The following SMAD7 variants were observed in gnomAD, a reference collection of about 807,000 sequenced individuals.
SMAD7 encodes the protein MAD (mothers against decapentaplegic, Drosophila) homolog 7.
Under a neutral mutation model 38.7 loss-of-function variants are expected in SMAD7, and 8 were observed. That is an observed-to-expected ratio of 0.21 (90% confidence interval 0.12 to 0.37). The LOEUF (loss-of-function observed/expected upper bound fraction) is 0.37. Among genes scored for constraint, SMAD7 ranks in the 10% least tolerant of loss-of-function variants. The pLI is 1.00. For synonymous variants in SMAD7, 327 were observed against 265.1 expected (o/e 1.23, Z -2.27); for missense variants, 477 against 577.9 (o/e 0.83, Z 1.79).
intron 1 of SMAD7, 54 bp from the exon 2 acceptor site, chr18:48,948,491 G>C: frequency 7.8e-5 from 93 of 1,188,320 alleles, no homozygotes; most frequent in Non-Finnish European, 1.0e-4. Context: ...AAGAGAGATA[G>C]AAACTTATGA....
chr18:48,950,002 G>C lies in SMAD7; in HGVS notation c.423C>G (p.Pro141=). 2.5e-6 allele frequency: 4 copies of C among 1,580,332 alleles called. No homozygotes were observed. The highest frequency in any genetic ancestry group is 3.4e-6 in the Non-Finnish European group (4 of 1,164,882). ...GCGGCTGCGCAGGCTGCGCGCCGGCGGGCGCCCCCGGGCCCAGCCTGCAGT... is the reference window on the plus strand; with the variant it reads ...GCGGCTGCGCAGGCTGCGCGCCGGCCGGCGCCCCCGGGCCCAGCCTGCAGT... The part of the protein sequence containing the change: ...RLDCRLGPGA[P]AGAQPAQPPS... Residue 141 remains proline (P), a synonymous_variant, in exon 1 of 4, where the codon CCC becomes CCG. Coordinates refer to ENST00000262158, the MANE Select transcript of SMAD7 (RefSeq NM_005904.4).
chr18:48,940,187 C>T (rs557356514), intron 3 of SMAD7, among the ~76,000 whole-genome samples: 27 of 152,216 alleles, frequency 1.8e-4, no homozygotes, highest in South Asian at 1.5e-3. Context: ...CAACTCTGAA[C>T]GGAAAGAAGA....
chr18:48,941,134 T>C (rs1304528743), intron 3 of SMAD7, among the ~76,000 whole-genome samples: 1 of 152,174 alleles, frequency 6.6e-6, no homozygotes, highest in African/African-American at 2.4e-5. Flanking sequence ...CTTCTTTCTT[T>C]CAAGAACTCT....
At chr18:48,922,638 C>A (rs2069875678) in intron 3 of SMAD7, among the ~76,000 whole-genome samples, 1 of 152,240 alleles carries the variant, frequency 6.6e-6, no homozygotes, top group South Asian at 2.1e-4. Flanking sequence ...TGCCAAATCA[C>A]AACATGCAGA....
intron 2 of SMAD7, among the ~76,000 whole-genome samples, chr18:48,943,471 C>G (rs1193728809): frequency 6.6e-6 from 1 of 152,194 alleles, no homozygotes; most frequent in Non-Finnish European, 1.5e-5. Context: ...GCCCTCCAAG[C>G]AATTAAAGCA....
intron 3 of SMAD7, among the ~76,000 whole-genome samples, chr18:48,938,862 G>A (rs962912370): frequency 3.9e-5 from 6 of 152,152 alleles, no homozygotes; most frequent in Non-Finnish European, 8.8e-5. Flanking sequence ...ATCTTCCTGA[G>A]CCATGACACA....
chr18:48,936,117 C>CCA (rs1413249314), intron 3 of SMAD7, among the ~76,000 whole-genome samples: 2 of 14,250 alleles, frequency 1.4e-4, no homozygotes, highest in Non-Finnish European at 2.5e-4. Flanking sequence ...CACACACACA[C>CCA]CACACACACA....
intron 2 of SMAD7, among the ~76,000 whole-genome samples, chr18:48,946,622 T>C (rs1229922662): frequency 6.6e-6 from 1 of 152,250 alleles, no homozygotes; most frequent in African/African-American, 2.4e-5. Flanking sequence ...GATTGGCAGG[T>C]TAATCACTTC....
intron 2 of SMAD7, 23 bp from the exon 3 acceptor site, chr18:48,942,578 G>A (rs757052665): frequency 4.3e-6 from 7 of 1,613,170 alleles, no homozygotes; most frequent in East Asian, 2.2e-5. Context: ...AAAGGGGAGA[G>A]AAAGAAATAA....
At chr18:48,936,077 AACACACAC>A (rs74174732) in intron 3 of SMAD7, among the ~76,000 whole-genome samples, 3 of 79,480 alleles carry the variant, frequency 3.8e-5, no homozygotes, top group Non-Finnish European at 6.9e-5. Context: ...TCCATCTCAA[AACACACAC>A]ACACACACAC....
chr18:48,932,890 A>T (rs2070019178), intron 3 of SMAD7, among the ~76,000 whole-genome samples: 1 of 152,054 alleles, frequency 6.6e-6, no homozygotes, highest in Non-Finnish European at 1.5e-5. Flanking sequence ...AAAACATCCC[A>T]CTTCTCCTCT....
intron 3 of SMAD7, among the ~76,000 whole-genome samples, chr18:48,934,323 G>C (rs139290878): frequency 5.5e-4 from 84 of 152,242 alleles, no homozygotes; most frequent in African/African-American, 1.9e-3. Context: ...GGGGGACACG[G>C]TGGCTTGAAA....
chr18:48,948,333 C>G (rs934836306), intron 2 of SMAD7, 51 bp downstream of exon 2: 27 of 1,324,738 alleles, frequency 2.0e-5, no homozygotes, highest in Non-Finnish European at 2.9e-5. Flanking sequence ...GTTCTAGAGG[C>G]TCTATTTCTA....
chr18:48,949,701 G>A, intron 1 of SMAD7, 111 bp downstream of exon 1: 1 of 1,192,704 alleles, frequency 8.4e-7, no homozygotes, highest in Non-Finnish European at 1.2e-6. Flanking sequence ...CTCCCAGGAG[G>A]GTATGCACAC....
intron 3 of SMAD7, among the ~76,000 whole-genome samples, chr18:48,925,474 C>A (rs561957096): frequency 8.6e-4 from 131 of 152,202 alleles, no homozygotes; most frequent in African/African-American, 3.1e-3. Context: ...GCATAAAATC[C>A]TCCCTTTAAA....
At chr18:48,933,104 G>A (rs529852124) in intron 3 of SMAD7, among the ~76,000 whole-genome samples, 27 of 152,194 alleles carry the variant, frequency 1.8e-4, no homozygotes, top group Non-Finnish European at 3.2e-4. Context: ...GTGGGGAGGC[G>A]GGCTGGAACC....
chr18:48,950,630 G>T lies in SMAD7; in HGVS notation c.-206C>A. ...CCCGGAGGCCGGGGCGCGCGCGGGG[G>T]CCCGGGGGCGCCCGCCGGGGATCGG... On this transcript the variant is annotated 5_prime_UTR_variant, in exon 1 of 4. Coordinates refer to ENST00000262158, the MANE Select transcript of SMAD7 (RefSeq NM_005904.4). 5.3e-6 allele frequency: 1 copy of T among 188,926 alleles called. No homozygotes were observed. Among genetic ancestry groups the T allele is most frequent in the Non-Finnish European group, 1.0e-5 (1 of 95,648 alleles). The allele number at this position is 188,926 out of a possible 1,614,324, so 11.7% of individuals were successfully genotyped here. A position where few individuals can be genotyped will look rare whatever the true frequency, so the allele number is the denominator to read the frequency against.
intron 1 of SMAD7, 92 bp from the exon 2 acceptor site, chr18:48,948,529 G>C: frequency 1.1e-6 from 1 of 910,588 alleles, no homozygotes; most frequent in Non-Finnish European, 1.7e-6. Flanking sequence ...TAGCCCAACT[G>C]TTTGTCTTAG....
intron 3 of SMAD7, among the ~76,000 whole-genome samples, chr18:48,934,476 T>C (rs2070040620): frequency 6.6e-6 from 1 of 152,120 alleles, no homozygotes; most frequent in Non-Finnish European, 1.5e-5. Context: ...ACAATCTTTT[T>C]TTTGCAAGTT....
Sources: allele counts gnomAD v4.1 joint callset (sites outside exome capture counted in the v4.1 genomes callset), GRCh38; gene constraint gnomAD v4.1.1; transcripts MANE v1.5; gene names NCBI Gene and HGNC (gene_info 2026-07-23, HGNC 2026-07-21).